Variants in FBXL18 observed in about 807,000 individuals in gnomAD.
FBXL18 encodes F-box and leucine rich repeat protein 18, also known as F-box/LRR-repeat protein 18.
In FBXL18, 36 loss-of-function variants were observed where a neutral mutation model predicts 46.0. The ratio of observed to expected loss-of-function variants is 0.78; its 90% CI spans 0.60 to 1.03. FBXL18 has a LOEUF of 1.03. Among genes scored for constraint, FBXL18 ranks in the 50% least tolerant of loss-of-function variants. The pLI is 0.00. For missense variants in FBXL18, 977 were observed against 1,004.1 expected (o/e 0.97, Z 0.36); for synonymous variants, 557 against 465.3 (o/e 1.20, Z -2.54).
Position 5,481,753 on chromosome 7 carries a change from C to T in FBXL18, c.*22G>A, listed in dbSNP as rs748340151. On this transcript the variant is annotated 3_prime_UTR_variant, in exon 5 of 5. Transcript: ENST00000382368. ...TGCAGCTTCTCGAGGTGACTGAGAC[C>T]GATGGGCGGCGGCTCCGCCTCTCAC... 1.2e-6 allele frequency: 2 copies of T among 1,612,474 alleles called. No individual in the cohort carries two copies. Among genetic ancestry groups the T allele is most frequent in the South Asian group, 1.1e-5 (1 of 90,990 alleles).
At chr7:5,454,739 A>C (rs1345160050) in intron 4 of FBXL18, among the ~76,000 whole-genome samples, 1 of 152,126 alleles carries the variant, frequency 6.6e-6, no homozygotes, top group Admixed American at 6.5e-5. Context: ...AGCCGAGGAC[A>C]GGGACACCCT....
At chr7:5,463,779 C>T (rs1458610388) in intron 4 of FBXL18, among the ~76,000 whole-genome samples, 2 of 126,954 alleles carry the variant, frequency 1.6e-5, no homozygotes, top group South Asian at 2.6e-4. Context: ...CTCGCTCTGT[C>T]GCCCAGGCTT....
intron 1 of FBXL18, among the ~76,000 whole-genome samples, chr7:5,512,762 C>T (rs1399694966): frequency 6.6e-6 from 1 of 152,084 alleles, no homozygotes; most frequent in East Asian, 1.9e-4. Flanking sequence ...AGCCACACAC[C>T]GTTCCTTGTC....
rs1452603560 is a variant in FBXL18, at chr7:5,513,794, G to A, written c.-120C>T. 2 of 1,398,254 alleles carry A rather than the reference G, an allele frequency of 1.4e-6. No homozygotes were observed. The highest frequency in any genetic ancestry group is 1.4e-5 in the African/African-American group (1 of 69,236). The allele number at this position is 1,398,254 out of a possible 1,614,324, so 86.6% of individuals were successfully genotyped here. On this transcript the variant is annotated 5_prime_UTR_variant, in exon 1 of 5. Coordinates refer to ENST00000382368, the MANE Select transcript of FBXL18 (RefSeq NM_024963.6). The stretch of plus-strand genomic sequence containing the variant: ...TCAACCGAGACCCCGGCAAGGAGCG[G>A]GCTCTCGTCACTTCCGGCGCCCGCC...
chr7:5,462,434 T>C (rs778860750), intron 4 of FBXL18, among the ~76,000 whole-genome samples: 1 of 152,138 alleles, frequency 6.6e-6, no homozygotes, highest in Non-Finnish European at 1.5e-5. Flanking sequence ...ATTTCCTTTT[T>C]ACATAAAATT....
Position 5,476,796 on chromosome 7 carries a change from G to A in FBXL18, c.*4979C>T, listed in dbSNP as rs998208028. The A allele has an allele frequency of 6.6e-6, 1 of 151,884 alleles. No individual in the cohort carries two copies. Among genetic ancestry groups the A allele is most frequent in the Non-Finnish European group, 1.5e-5 (1 of 68,054 alleles). 9.4% of individuals were successfully genotyped at this position (151,884 alleles called of 1,614,324 possible). The stretch of plus-strand genomic sequence containing the variant: ...TCCCATGTTTCTCAAAGGAGCTTTA[G>A]AGAGCAGAGGAGCCCGAGTCACTGC... On this transcript the variant is annotated 3_prime_UTR_variant, in exon 5 of 5. Transcript: ENST00000382368.
At chr7:5,458,282 T>C (rs1197884040) in intron 4 of FBXL18, among the ~76,000 whole-genome samples, 3 of 152,164 alleles carry the variant, frequency 2.0e-5, no homozygotes, top group African/African-American at 4.8e-5. Flanking sequence ...GAGAGGTTTC[T>C]GGCCACCCAC....
Position 5,481,749 on chromosome 7 carries a change from A to G in FBXL18, c.*26T>C. 1 of 1,612,268 alleles carries G rather than the reference A, an allele frequency of 6.2e-7. No individual in the cohort carries two copies. The highest frequency in any genetic ancestry group is 1.1e-5 in the South Asian group (1 of 91,000). ...CTCCTGCAGCTTCTCGAGGTGACTG[A>G]GACCGATGGGCGGCGGCTCCGCCTC... On this transcript the variant is annotated 3_prime_UTR_variant, in exon 5 of 5. Coordinates refer to ENST00000382368, the MANE Select transcript of FBXL18 (RefSeq NM_024963.6).
Position 5,484,549 on chromosome 7 carries a change from A to G in FBXL18, c.2001-2618T>C, listed in dbSNP as rs111842594. On this transcript the variant is annotated intron_variant, in intron 4 of 4. Transcript: ENST00000382368. The stretch of plus-strand genomic sequence containing the variant: ...TTTTTTCGAGACAGGGTCTTGCTCT[A>G]TCTCCCAGACTGGAGTGCAGTGGCA... 2.1e-3 allele frequency among the ~76,000 whole-genome samples: 317 copies of G among 150,394 alleles called. 2 individuals are homozygous for G. The highest frequency in any genetic ancestry group is 6.5e-3 in the African/African-American group (265 of 40,896).
intron 4 of FBXL18, 129 bp from the exon 5 acceptor site, chr7:5,482,060 C>T: frequency 9.1e-7 from 1 of 1,098,162 alleles, no homozygotes; most frequent in Non-Finnish European, 1.3e-6. Flanking sequence ...CCCAGACAGA[C>T]CATGCCTGCC....
At chr7:5,513,208 C>A (rs576654957) in intron 1 of FBXL18, among the ~76,000 whole-genome samples, 1 of 152,240 alleles carries the variant, frequency 6.6e-6, no homozygotes, top group East Asian at 1.9e-4. Flanking sequence ...CATCACCCAC[C>A]CCCCACGTCA....
At chr7:5,509,065 C>T (rs957351011) in intron 1 of FBXL18, among the ~76,000 whole-genome samples, 4 of 151,732 alleles carry the variant, frequency 2.6e-5, no homozygotes, top group Non-Finnish European at 5.9e-5. Context: ...TGGTGGCACA[C>T]GCCTATAGTC....
In FBXL18 at chr7:5,455,968, T is replaced by C. The variant is rs1254545982; in HGVS notation, c.2001-8125A>G. Among the ~76,000 whole-genome samples the C allele has an allele frequency of 2.0e-5, 3 of 152,122 alleles. No homozygotes were observed. The highest frequency in any genetic ancestry group is 7.2e-5 in the African/African-American group (3 of 41,430). ...TCCCTGCCGCATTTCGTTCCCTCTG[T>C]GCTCCTTCCCCAGTGTCACTCCTCC... On this transcript the variant is annotated intron_variant and NMD_transcript_variant, in intron 4 of 6. Transcript: ENST00000415009. The surrounding 1 kb of genome is among the most constrained non-coding windows in gnomAD (Gnocchi z 4.6).
At chr7:5,470,608 G>A (rs1783411335) in intron 4 of FBXL18, among the ~76,000 whole-genome samples, 1 of 152,140 alleles carries the variant, frequency 6.6e-6, no homozygotes, top group Non-Finnish European at 1.5e-5. Context: ...GCAGACACAA[G>A]ACACAACACA....
At chr7:5,467,875 T>C (rs1019486927) in intron 4 of FBXL18, among the ~76,000 whole-genome samples, 2 of 152,110 alleles carry the variant, frequency 1.3e-5, no homozygotes, top group African/African-American at 4.8e-5. Flanking sequence ...CAGAAAGAGC[T>C]TGTGACAGCA....
Position 5,505,529 on chromosome 7 carries a change from C to G in FBXL18, c.120G>C (p.Leu40=), listed in dbSNP as rs1784373268. The G allele has an allele frequency of 6.2e-7, 1 of 1,614,142 alleles. No homozygotes were observed. Among genetic ancestry groups the G allele is most frequent in the Non-Finnish European group, 8.5e-7 (1 of 1,180,024 alleles). The change falls in exon 2 of 5, where the codon CTG becomes CTC. Residue 40 remains leucine (L), a synonymous_variant. Coordinates refer to ENST00000382368, the MANE Select transcript of FBXL18 (RefSeq NM_024963.6). ...TCAGATCTGTGCTGGGGACGTGACT[C>G]AGGATGTGAAGGAGGATCTCATCAG... is the stretch of plus-strand genomic sequence containing the variant. ...GFSDEILLHI[L]SHVPSTDLIL...
At chr7:5,508,988 T>TTTGA (rs1455673214) in intron 1 of FBXL18, among the ~76,000 whole-genome samples, 8 of 151,104 alleles carry the variant, frequency 5.3e-5, no homozygotes, top group African/African-American at 1.9e-4. Flanking sequence ...AGGTCAGGAG[T>TTTGA]TTGAGACAGG....
downstream of FBXL18, among the ~76,000 whole-genome samples, chr7:5,474,686 T>TATTTATTTATTTA (rs1554317765): frequency 1.0e-4 from 4 of 39,458 alleles, no homozygotes; most frequent in Admixed American, 4.6e-4. Flanking sequence ...GCACTTTATT[T>TATTTATTTATTTA]TTTATTTATT....
rs937581030 is a variant in FBXL18, at chr7:5,496,883, T to C, written c.1781+3605A>G. ...TCTACTAAAAATACAAAAAAAAAAT[T>C]AGCCGAGTATGGTGGTGGGCACCTG... On this transcript the variant is annotated intron_variant, in intron 3 of 4. Coordinates refer to ENST00000382368, the MANE Select transcript of FBXL18 (RefSeq NM_024963.6). This position sits in a 1 kb window ranked among gnomAD's most constrained non-coding sequence, Gnocchi z 4.8. 6.6e-6 allele frequency among the ~76,000 whole-genome samples: 1 copy of C among 151,242 alleles called. No individual in the cohort carries two copies. The highest frequency in any genetic ancestry group is 1.5e-5 in the Non-Finnish European group (1 of 67,820).
Sources: allele counts gnomAD v4.1 joint callset (sites outside exome capture counted in the v4.1 genomes callset), GRCh38; gene constraint gnomAD v4.1.1; non-coding constraint Gnocchi (gnomAD v3.1); transcripts MANE v1.5; gene names NCBI Gene and HGNC (gene_info 2026-07-23, HGNC 2026-07-21).